The following DACH1 variants were observed in gnomAD, a reference collection of about 807,000 sequenced individuals.
DACH1 encodes dachshund family transcription factor 1.
In DACH1, 12 loss-of-function variants were observed where a neutral mutation model predicts 54.2. That is an observed-to-expected ratio of 0.22 (90% CI 0.14 to 0.36). The LOEUF is 0.36. Ranked by LOEUF, DACH1 falls within the 10% of genes least tolerant of loss-of-function variation. The pLI is 1.00. For missense variants in DACH1, 805 were observed against 929.8 expected (o/e 0.87, Z 1.75); for synonymous variants, 386 against 366.2 (o/e 1.05, Z -0.62).
At chr13:71,754,210 A>T (rs911599609) in intron 1 of DACH1, among the ~76,000 whole-genome samples, 1 of 152,134 alleles carries the variant, frequency 6.6e-6, no homozygotes, top group Non-Finnish European at 1.5e-5. Context: ...CAGCTGGCTC[A>T]CCTGGTTAGT....
chr13:71,636,772 C>A (rs1260838264), intron 2 of DACH1, among the ~76,000 whole-genome samples: 1 of 151,910 alleles, frequency 6.6e-6, no homozygotes, highest in Non-Finnish European at 1.5e-5. Flanking sequence ...ATTTAGATTT[C>A]TTTTTCTTTC....
intron 1 of DACH1, among the ~76,000 whole-genome samples, chr13:71,724,515 C>T (rs886343332): frequency 3.3e-5 from 5 of 152,146 alleles, no homozygotes; most frequent in African/African-American, 1.2e-4. Context: ...AAAACCTGCT[C>T]TATAACTTGT....
At chr13:71,840,006 G>A (rs1284218841) in intron 1 of DACH1, among the ~76,000 whole-genome samples, 2 of 152,096 alleles carry the variant, frequency 1.3e-5, no homozygotes, top group South Asian at 4.1e-4. Context: ...GAGTGCAGTA[G>A]CACGATCTTG....
intron 1 of DACH1, among the ~76,000 whole-genome samples, chr13:71,857,011 T>G (rs1460785665): frequency 6.6e-6 from 1 of 151,818 alleles, no homozygotes; most frequent in Non-Finnish European, 1.5e-5. Flanking sequence ...TGGCTCTAAG[T>G]GCAAGAAGCA....
intron 3 of DACH1, among the ~76,000 whole-genome samples, chr13:71,623,179 T>C (rs1395411796): frequency 6.6e-6 from 1 of 151,698 alleles, no homozygotes; most frequent in African/African-American, 2.4e-5. Context: ...TTTTCCACAG[T>C]CACCTGTTGC....
chr13:71,796,786 A>G lies in DACH1; in HGVS notation c.848+69136T>C, dbSNP rs369009044. On this transcript the variant is annotated intron_variant, in intron 1 of 10. Coordinates refer to ENST00000613252, the MANE Select transcript of DACH1 (RefSeq NM_080759.6). ...TGGACAGTTCATATAAACATATTCA[A>G]TTAGAAAATTCACCAGTAAACTTTG... Among the ~76,000 whole-genome samples, 4 of 152,098 alleles carry G rather than the reference A, an allele frequency of 2.6e-5. No homozygotes were observed. In the East Asian group the frequency reaches 5.8e-4, roughly 22 times the overall value.
intron 1 of DACH1, among the ~76,000 whole-genome samples, chr13:71,699,173 C>T (rs553153037): frequency 3.7e-4 from 56 of 152,212 alleles, no homozygotes; most frequent in African/African-American, 1.3e-3. Flanking sequence ...GCAAATTCAG[C>T]TTTCAAAAGT....
intron 1 of DACH1, among the ~76,000 whole-genome samples, chr13:71,745,937 C>T (rs745395896): frequency 1.3e-4 from 20 of 152,084 alleles, no homozygotes; most frequent in Non-Finnish European, 8.8e-5. Flanking sequence ...CAACATAATG[C>T]GGCCGGGCGC....
intron 1 of DACH1, among the ~76,000 whole-genome samples, chr13:71,809,139 C>G (rs997011203): frequency 6.6e-6 from 1 of 152,108 alleles, no homozygotes; most frequent in Non-Finnish European, 1.5e-5. Flanking sequence ...CTATCTAAAT[C>G]TTTCATGTGA....
intron 6 of DACH1, among the ~76,000 whole-genome samples, chr13:71,497,193 C>T (rs1251477582): frequency 6.6e-6 from 1 of 152,028 alleles, no homozygotes; most frequent in Non-Finnish European, 1.5e-5. Context: ...ATATAAAATA[C>T]TATATTAATA....
At chr13:71,682,134 C>T (rs1486020731) in intron 1 of DACH1, among the ~76,000 whole-genome samples, 4 of 152,198 alleles carry the variant, frequency 2.6e-5, no homozygotes, top group Non-Finnish European at 4.4e-5. Context: ...GCCTGCACCT[C>T]GTTACCTGCT....
At chr13:71,634,366 C>T (rs1297583020) in intron 2 of DACH1, among the ~76,000 whole-genome samples, 3 of 152,106 alleles carry the variant, frequency 2.0e-5, no homozygotes, top group South Asian at 2.1e-4. Context: ...TCTCAGTTCC[C>T]TGCCTATCTG....
chr13:71,750,615 A>G (rs1374872911), intron 1 of DACH1, among the ~76,000 whole-genome samples: 1 of 152,206 alleles, frequency 6.6e-6, no homozygotes, highest in African/African-American at 2.4e-5. Context: ...AGGAAATGAA[A>G]GTGTTGTTTA....
chr13:71,676,428 G>C (rs1880576291), intron 2 of DACH1, among the ~76,000 whole-genome samples: 1 of 152,156 alleles, frequency 6.6e-6, no homozygotes. Flanking sequence ...ATGTTGGCCA[G>C]GCTGGTCTCG....
intron 1 of DACH1, among the ~76,000 whole-genome samples, chr13:71,740,961 G>A (rs1009931838): frequency 6.6e-5 from 10 of 151,986 alleles, no homozygotes; most frequent in Non-Finnish European, 1.5e-4. Flanking sequence ...ATAAAGCGAA[G>A]ACTTTTTACT....
At chr13:71,756,428 A>G (rs1594183115) in intron 1 of DACH1, among the ~76,000 whole-genome samples, 1 of 152,250 alleles carries the variant, frequency 6.6e-6, no homozygotes, top group Non-Finnish European at 1.5e-5. Flanking sequence ...AGAATTGAAC[A>G]TCCACCCTCA....
intron 3 of DACH1, among the ~76,000 whole-genome samples, chr13:71,592,750 G>C (rs954780627): frequency 2.5e-4 from 38 of 152,018 alleles, no homozygotes; most frequent in Admixed American, 1.6e-3. Context: ...CAAGTAGAAT[G>C]TGACAATCTC....
At chr13:71,636,286 T>C (rs1877485196) in intron 2 of DACH1, among the ~76,000 whole-genome samples, 1 of 152,072 alleles carries the variant, frequency 6.6e-6, no homozygotes. Context: ...TGTACTGAAC[T>C]GAGAAGTCAA....
At chr13:71,789,574 A>G (rs542767182) in intron 1 of DACH1, among the ~76,000 whole-genome samples, 3 of 152,210 alleles carry the variant, frequency 2.0e-5, no homozygotes, top group Admixed American at 6.5e-5. Flanking sequence ...CTTTTTCTAT[A>G]TCTGTAAGAG....
Sources: allele counts gnomAD v4.1 joint callset (sites outside exome capture counted in the v4.1 genomes callset), GRCh38; gene constraint gnomAD v4.1.1; transcripts MANE v1.5; gene names NCBI Gene and HGNC (gene_info 2026-07-23, HGNC 2026-07-21).